Variants in CALN1 observed in about 807,000 individuals in gnomAD.
CALN1 encodes calcium-binding protein 8.
CALN1 carries 17 observed loss-of-function variants against 30.6 expected under a neutral mutation model. The ratio of observed to expected loss-of-function variants is 0.56; its 90% CI spans 0.38 to 0.83. The LOEUF (loss-of-function observed/expected upper bound fraction) is 0.83. Ranked by LOEUF, CALN1 falls within the 40% of genes least tolerant of loss-of-function variation. The pLI is 0.00. For missense variants in CALN1, 291 were observed against 354.9 expected (o/e 0.82, Z 1.45); for synonymous variants, 156 against 131.4 (o/e 1.19, Z -1.28).
intron 5 of CALN1, among the ~76,000 whole-genome samples, chr7:71,954,917 C>A (rs112694074): frequency 1.9e-4 from 29 of 151,872 alleles, no homozygotes; most frequent in African/African-American, 6.8e-4. Context: ...GACTATTATT[C>A]TTCTTATTTA....
At chr7:72,021,642 CCT>C (rs778059079) in intron 5 of CALN1, among the ~76,000 whole-genome samples, 1 of 152,072 alleles carries the variant, frequency 6.6e-6, no homozygotes, top group African/African-American at 2.4e-5. Context: ...TTCACGAGCC[CCT>C]GTCTCACTCT....
intron 5 of CALN1, among the ~76,000 whole-genome samples, chr7:71,864,312 C>T (rs1370466562): frequency 6.6e-6 from 1 of 152,104 alleles, no homozygotes. Flanking sequence ...GGTGGGCCTG[C>T]CCAAATCAGG....
intron 5 of CALN1, among the ~76,000 whole-genome samples, chr7:71,884,526 G>A (rs1421268437): frequency 6.6e-6 from 1 of 152,024 alleles, no homozygotes; most frequent in African/African-American, 2.4e-5. Flanking sequence ...GGGCCAGATC[G>A]ATCTCTCGGT....
At chr7:71,814,838 T>G in intron 5 of CALN1, among the ~76,000 whole-genome samples, 1 of 151,324 alleles carries the variant, frequency 6.6e-6, no homozygotes. Context: ...AATCAACTTT[T>G]TTTTTTTTTT....
chr7:71,888,175 T>A (rs1398803879), intron 5 of CALN1, among the ~76,000 whole-genome samples: 1 of 151,814 alleles, frequency 6.6e-6, no homozygotes, highest in Non-Finnish European at 1.5e-5. Context: ...GGAACAAAAA[T>A]GCTTAAGATG....
intron 3 of CALN1, among the ~76,000 whole-genome samples, chr7:72,137,150 A>C (rs944220959): frequency 6.6e-6 from 1 of 152,074 alleles, no homozygotes; most frequent in Non-Finnish European, 1.5e-5. Context: ...TGTGAAGGAA[A>C]GTTTATTGCA....
chr7:72,105,480 C>T (rs189736315), intron 4 of CALN1, among the ~76,000 whole-genome samples: 2 of 152,080 alleles, frequency 1.3e-5, no homozygotes, highest in East Asian at 1.9e-4. Context: ...TTCCCCAACT[C>T]ACTGCCCCCA....
At chr7:72,053,391 C>A (rs1802965804) in intron 4 of CALN1, among the ~76,000 whole-genome samples, 1 of 152,182 alleles carries the variant, frequency 6.6e-6, no homozygotes, top group African/African-American at 2.4e-5. Context: ...TAGCCTGGAA[C>A]CACTGCACAG....
chr7:71,844,547 T>C lies in CALN1; in HGVS notation c.502-34055A>G, dbSNP rs947363257. Among the ~76,000 whole-genome samples, 7 of 152,330 alleles carry C rather than the reference T, an allele frequency of 4.6e-5. No homozygotes were observed. In the East Asian group the frequency reaches 1.4e-3, roughly 29 times the overall value. The stretch of plus-strand genomic sequence containing the variant: ...CCCAAAATATCTTCTTGTTATCACT[T>C]TGATGAATCAGACTCCAGAGTTCTT... On this transcript the variant is annotated intron_variant, in intron 5 of 6. Coordinates refer to ENST00000395275, the MANE Select transcript of CALN1 (RefSeq NM_031468.4).
chr7:72,273,113 C>T (rs551294247), intron 3 of CALN1, among the ~76,000 whole-genome samples: 1 of 151,918 alleles, frequency 6.6e-6, no homozygotes, highest in African/African-American at 2.4e-5. Flanking sequence ...AGACGGCATG[C>T]ATATCAATCT....
intron 3 of CALN1, among the ~76,000 whole-genome samples, chr7:72,225,485 T>C (rs527908): frequency 0.97 from 147,544 of 152,106 alleles, 71,614 homozygotes; most frequent in East Asian, 1. Context: ...TCAAAAGGAG[T>C]GGCCAATGGG....
At chr7:72,026,454 C>T (rs1801060865) in intron 4 of CALN1, among the ~76,000 whole-genome samples, 1 of 152,032 alleles carries the variant, frequency 6.6e-6, no homozygotes, top group Admixed American at 6.6e-5. Flanking sequence ...GGTCTGGTGG[C>T]AGGTGCCTGT....
chr7:72,439,229 G>T (rs959807636), intron 1 of CALN1, among the ~76,000 whole-genome samples: 1 of 151,802 alleles, frequency 6.6e-6, no homozygotes, highest in African/African-American at 2.4e-5. Context: ...ATGGGGTTTC[G>T]CCATGTTGCC....
intron 2 of CALN1, among the ~76,000 whole-genome samples, chr7:72,345,414 AGAAAG>A (rs1228368289): frequency 0.088 from 25 of 284 alleles, no homozygotes; most frequent in South Asian, 0.1. Flanking sequence ...AAGAAAGAAG[AGAAAG>A]GAAAGAAAGG....
chr7:71,890,781 T>C (rs961512580), intron 5 of CALN1, among the ~76,000 whole-genome samples: 1 of 146,330 alleles, frequency 6.8e-6, no homozygotes, highest in East Asian at 2.0e-4. Context: ...TGTCTTACTC[T>C]GTTGCCCAGA....
chr7:71,934,348 T>TA (rs1459697961), intron 5 of CALN1, among the ~76,000 whole-genome samples: 2 of 152,226 alleles, frequency 1.3e-5, no homozygotes. Flanking sequence ...CTGATTATCT[T>TA]AGTCTATTTT....
chr7:72,498,066 A>G, the CALN1 span, among the ~76,000 whole-genome samples: 1 of 152,166 alleles, frequency 6.6e-6, no homozygotes, highest in Non-Finnish European at 1.5e-5. Flanking sequence ...TTTGTAGAAA[A>G]TTGAATATGG....
At chr7:72,258,124 T>A (rs1187104840) in intron 3 of CALN1, among the ~76,000 whole-genome samples, 1 of 151,574 alleles carries the variant, frequency 6.6e-6, no homozygotes, top group African/African-American at 2.4e-5. Flanking sequence ...AATGAATTTT[T>A]TAAAAAAAAA....
chr7:72,053,270 G>A (rs964834564), intron 4 of CALN1, among the ~76,000 whole-genome samples: 1 of 152,108 alleles, frequency 6.6e-6, no homozygotes, highest in Admixed American at 6.6e-5. Context: ...CCCAAAGAGT[G>A]GAATCAGAGT....
Sources: gnomAD v4.1 joint callset for allele counts (sites outside exome capture counted in the v4.1 genomes callset) on GRCh38, gnomAD v4.1.1 for gene constraint, MANE v1.5 for transcripts, NCBI Gene and HGNC (gene_info 2026-07-23, HGNC 2026-07-21) for gene names.